RAD51B: variants seen among roughly 807,000 people sequenced by gnomAD.
The protein encoded by RAD51B is RAD51 paralog B.
In RAD51B, 38 loss-of-function variants were observed where a neutral mutation model predicts 42.2. The observed-to-expected ratio is 0.90, with a 90% CI of 0.70 to 1.18. RAD51B has a LOEUF of 1.18. RAD51B is among the 50% of genes most tolerant of loss of function. The pLI is 0.00. For missense variants in RAD51B, 373 were observed against 400.7 expected, an observed-to-expected ratio of 0.93 and a Z score of 0.59; for synonymous variants, 154 against 145.2, an observed-to-expected ratio of 1.06 and a Z score of -0.43.
chr14:67,931,957 T>C (rs2044753950), intron 7 of RAD51B, among the ~76,000 whole-genome samples: 1 of 149,756 alleles, frequency 6.7e-6, no homozygotes. Flanking sequence ...AAATTTTTTA[T>C]TTTTTTATTT....
chr14:68,475,489 A>G (rs1882497041), intron 10 of RAD51B, among the ~76,000 whole-genome samples: 2 of 152,198 alleles, frequency 1.3e-5, no homozygotes, highest in African/African-American at 2.4e-5. Context: ...TCAGCACCCA[A>G]AAATCTTGTT....
chr14:68,143,819 C>T (rs2140739079), intron 7 of RAD51B, among the ~76,000 whole-genome samples: 1 of 152,304 alleles, frequency 6.6e-6, no homozygotes, highest in Non-Finnish European at 1.5e-5. Flanking sequence ...TGTGTGTGGA[C>T]TCTATCAGAA....
intron 8 of RAD51B, among the ~76,000 whole-genome samples, chr14:68,329,040 T>C (rs1419762980): frequency 1.3e-5 from 2 of 152,166 alleles, no homozygotes; most frequent in Admixed American, 6.6e-5. Flanking sequence ...ACAGGGTCTT[T>C]TGCTGTTGCC....
At chr14:67,922,091 T>C (rs1346492242) in intron 7 of RAD51B, among the ~76,000 whole-genome samples, 1 of 152,220 alleles carries the variant, frequency 6.6e-6, no homozygotes, top group Non-Finnish European at 1.5e-5. Flanking sequence ...GTGTCCTTCT[T>C]GCAGATATCT....
At chr14:68,388,707 C>T (rs1475412950) in intron 8 of RAD51B, among the ~76,000 whole-genome samples, 2 of 152,154 alleles carry the variant, frequency 1.3e-5, no homozygotes, top group African/African-American at 4.8e-5. Flanking sequence ...TACAAAGTCC[C>T]TGCCCTCACA....
intron 8 of RAD51B, among the ~76,000 whole-genome samples, chr14:68,360,689 C>T (rs1237513712): frequency 6.6e-6 from 1 of 152,196 alleles, no homozygotes; most frequent in Non-Finnish European, 1.5e-5. Flanking sequence ...ACAGCTGACA[C>T]CCCTTTAACA....
intron 10 of RAD51B, among the ~76,000 whole-genome samples, chr14:68,538,447 G>C (rs981385422): frequency 6.6e-6 from 1 of 152,122 alleles, no homozygotes; most frequent in Non-Finnish European, 1.5e-5. Context: ...CTTTAGGAAG[G>C]CATATTTTTT....
At chr14:68,380,531 T>G (rs2083459242) in intron 8 of RAD51B, among the ~76,000 whole-genome samples, 1 of 152,204 alleles carries the variant, frequency 6.6e-6, no homozygotes, top group South Asian at 2.1e-4. Flanking sequence ...TAAGAGTATT[T>G]AATCATATTA....
intron 7 of RAD51B, among the ~76,000 whole-genome samples, chr14:68,237,732 C>CTTT (rs57490316): frequency 2.8e-4 from 21 of 74,086 alleles, no homozygotes; most frequent in African/African-American, 3.7e-4. Flanking sequence ...TTTCATTTCT[C>CTTT]TTTTTTTTTT....
At chr14:67,992,895 GTTTGTTCACTCA>G (rs1040710422) in intron 7 of RAD51B, among the ~76,000 whole-genome samples, 3 of 152,016 alleles carry the variant, frequency 2.0e-5, no homozygotes, top group African/African-American at 7.2e-5. Context: ...AGGTTCATTG[GTTTGTTCACTCA>G]TTTGTTTTTT....
intron 7 of RAD51B, among the ~76,000 whole-genome samples, chr14:68,140,443 A>G (rs1054617008): frequency 2.6e-5 from 4 of 152,248 alleles, no homozygotes; most frequent in Non-Finnish European, 5.9e-5. Flanking sequence ...GGACCTTAGC[A>G]ATAACCCCTA....
intron 7 of RAD51B, among the ~76,000 whole-genome samples, chr14:68,170,263 G>T (rs1011217812): frequency 6.6e-6 from 1 of 152,150 alleles, no homozygotes; most frequent in African/African-American, 2.4e-5. Context: ...TTCCTTGAAA[G>T]CAAAGGCCTC....
chr14:68,356,088 A>C (rs565089655), intron 8 of RAD51B, among the ~76,000 whole-genome samples: 3 of 152,368 alleles, frequency 2.0e-5, no homozygotes, highest in East Asian at 3.9e-4. Context: ...ATTGCAATAA[A>C]GTAAATATTG....
At position 67,992,026 on chromosome 14, in the gene RAD51B, CA is replaced by C. The variant is rs549307705; in HGVS notation, c.756+104829del. Among the ~76,000 whole-genome samples, 350 of 152,048 alleles carry C rather than the reference CA, an allele frequency of 2.3e-3. 1 individual carries two copies. The highest frequency in any genetic ancestry group is 8.2e-3 in the African/African-American group (339 of 41,472). ...ATGGGCAACTTTGTCATGTTTCTTT[CA>C]AAAAAATGCATTGTGATCTTAGGAA... On this transcript the variant is annotated intron_variant, in intron 7 of 10. Transcript: ENST00000471583.
At chr14:68,638,902 C>T (rs146273950) in intron 10 of RAD51B, among the ~76,000 whole-genome samples, 300 of 152,212 alleles carry the variant, frequency 2.0e-3, no homozygotes, top group Non-Finnish European at 3.4e-3. Context: ...ACAGGATGCA[C>T]GTCGGGTACT....
chr14:68,603,795 C>G (rs1224399330), intron 10 of RAD51B, among the ~76,000 whole-genome samples: 2 of 152,224 alleles, frequency 1.3e-5, no homozygotes, highest in Non-Finnish European at 2.9e-5. Flanking sequence ...CGCCTTGGGC[C>G]GCTCCTTCAG....
At chr14:68,622,021 A>C (rs1402828465) in intron 10 of RAD51B, among the ~76,000 whole-genome samples, 1 of 152,116 alleles carries the variant, frequency 6.6e-6, no homozygotes, top group Non-Finnish European at 1.5e-5. Flanking sequence ...CTTCTCTCCT[A>C]AAGAGGGATA....
intron 11 of RAD51B, among the ~76,000 whole-genome samples, chr14:68,669,409 G>A (rs1360386143): frequency 6.6e-6 from 1 of 152,164 alleles, no homozygotes; most frequent in Non-Finnish European, 1.5e-5. Flanking sequence ...CTGCAGAATG[G>A]CCCTGGACTG....
chr14:68,307,227 A>G (rs769083786), intron 8 of RAD51B, among the ~76,000 whole-genome samples: 6 of 152,164 alleles, frequency 3.9e-5, no homozygotes, highest in Non-Finnish European at 8.8e-5. Context: ...AAAGTGAACA[A>G]TGTCTCTTGC....
Sources: allele counts gnomAD v4.1 joint callset (sites outside exome capture counted in the v4.1 genomes callset), GRCh38; gene constraint gnomAD v4.1.1; transcripts MANE v1.5; gene names NCBI Gene and HGNC (gene_info 2026-07-23, HGNC 2026-07-21).